The following ARHGAP28 variants were observed in gnomAD, a reference collection of about 807,000 sequenced individuals.
The protein encoded by ARHGAP28 is Rho GTPase activating protein 28, also known as rho GTPase-activating protein 28.
ARHGAP28 carries 56 observed loss-of-function variants against 90.7 expected under a neutral mutation model. The ratio of observed to expected loss-of-function variants is 0.62; its 90% CI spans 0.50 to 0.77. The LOEUF is 0.77. Among genes scored for constraint, ARHGAP28 ranks in the 30% least tolerant of loss-of-function variants. The probability of loss-of-function intolerance (pLI) is 0.00; values close to 1 mark genes in which losing one functional copy is unlikely to be tolerated. For synonymous variants in ARHGAP28, 308 were observed against 323.3 expected (o/e 0.95, Z 0.51); for missense variants, 869 against 900.9 (o/e 0.96, Z 0.45).
At position 6,780,509 on chromosome 18, in the gene ARHGAP28, G is replaced by A. The variant is rs2056315770; in HGVS notation, c.123-44253G>A. Among the ~76,000 whole-genome samples, 4 of 152,064 alleles carry A rather than the reference G, an allele frequency of 2.6e-5. No individual in the cohort carries two copies. In the South Asian group the frequency reaches 8.3e-4, roughly 32 times the overall value. ...TGAGCATCGGTGGAATTTGGTATTA[G>A]TTGTGGGGAGGGGTATGGAACCAAT... On this transcript the variant is annotated intron_variant, in intron 1 of 17. Coordinates refer to ENST00000383472, the MANE Select transcript of ARHGAP28 (RefSeq NM_001366230.1).
intron 10 of ARHGAP28, among the ~76,000 whole-genome samples, chr18:6,880,466 T>C (rs1343399434): frequency 6.6e-6 from 1 of 152,186 alleles, no homozygotes; most frequent in African/African-American, 2.4e-5. Flanking sequence ...AAATCATTTT[T>C]CCATCTGGCT....
chr18:6,838,908 T>C (rs2056774929), intron 3 of ARHGAP28, among the ~76,000 whole-genome samples: 1 of 152,194 alleles, frequency 6.6e-6, no homozygotes, highest in African/African-American at 2.4e-5. Flanking sequence ...ATGCCTACTG[T>C]AGTAAAAGGT....
intron 2 of ARHGAP28, among the ~76,000 whole-genome samples, chr18:6,828,581 T>C (rs1037809487): frequency 1.3e-5 from 2 of 152,248 alleles, no homozygotes; most frequent in African/African-American, 4.8e-5. Context: ...CTTTAATCCA[T>C]CTTGAGTTAA....
intron 2 of ARHGAP28, among the ~76,000 whole-genome samples, chr18:6,833,016 A>C (rs751379121): frequency 3.9e-5 from 6 of 152,102 alleles, no homozygotes; most frequent in Non-Finnish European, 8.8e-5. Flanking sequence ...TGTTTTATGT[A>C]TAACATCTGC....
chr18:6,868,164 C>A lies in ARHGAP28; in HGVS notation c.741C>A (p.Thr247=), dbSNP rs1186544356. The part of the protein sequence containing the change: ...PRSDSVAILE[T]IPVLPVHSNG... ...TTGCTTGGCAGGCTATACTTGAGAC[C>A]ATTCCAGTTCTACCAGTTCATTCCA... is the stretch of plus-strand genomic sequence containing the variant. Residue 247 remains threonine, a synonymous_variant, in exon 6 of 18, where the codon ACC becomes ACA. Coordinates refer to ENST00000383472, the MANE Select transcript of ARHGAP28 (RefSeq NM_001366230.1). The A allele has an allele frequency of 1.9e-6, 3 of 1,613,920 alleles. No homozygotes were observed. Among genetic ancestry groups the A allele is most frequent in the Non-Finnish European group, 2.5e-6 (3 of 1,179,936 alleles).
chr18:6,868,066 C>A, intron 5 of ARHGAP28, 84 bp from the exon 6 acceptor site: 1 of 1,126,548 alleles, frequency 8.9e-7, no homozygotes, highest in Non-Finnish European at 1.3e-6. Context: ...CTCTTGTATA[C>A]TGCAGAACAT....
chr18:6,841,180 CCTCT>C lies in ARHGAP28; in HGVS notation c.543+3786_543+3789del, dbSNP rs143797436. On this transcript the variant is annotated intron_variant, in intron 3 of 17. Transcript: ENST00000383472. ...CTTTCTCTCTCTCCTCTCTCTCTCT[CCTCT>C]CTCTCTCTCTCTCTCTCTCCTCTCC... Among the ~76,000 whole-genome samples the C allele has an allele frequency of 5.7e-3, 323 of 57,024 alleles. 6 individuals carry two copies. Among genetic ancestry groups the C allele is most frequent in the East Asian group, 0.025 (50 of 2,032 alleles). 37.4% of individuals were successfully genotyped at this position (57,024 alleles called of 152,430 possible).
intron 2 of ARHGAP28, 110 bp from the exon 3 acceptor site, chr18:6,837,087 G>T (rs1029599814): frequency 1.1e-5 from 9 of 798,538 alleles, no homozygotes; most frequent in Non-Finnish European, 1.7e-5. Flanking sequence ...CATAATTACT[G>T]TAGAAAAAAA....
chr18:6,870,932 C>T (rs1252431791), intron 7 of ARHGAP28, among the ~76,000 whole-genome samples, 200 bp downstream of exon 7: 2 of 152,156 alleles, frequency 1.3e-5, no homozygotes, highest in East Asian at 1.9e-4. Flanking sequence ...TCCCGAGTAG[C>T]TGGGACTACA....
chr18:6,796,708 T>C (rs372127150), intron 1 of ARHGAP28, among the ~76,000 whole-genome samples: 1 of 152,202 alleles, frequency 6.6e-6, no homozygotes, highest in African/African-American at 2.4e-5. Context: ...AATAATGAGA[T>C]TGGCAAGTGA....
Position 6,851,192 on chromosome 18 carries a change from C to A in ARHGAP28, c.636+66C>A, listed in dbSNP as rs1426686940. On this transcript the variant is annotated intron_variant, in intron 4 of 17. Coordinates refer to ENST00000383472, the MANE Select transcript of ARHGAP28 (RefSeq NM_001366230.1). ...AAGCCATTTCTTCAAGATGGTTGAG[C>A]AAAACTTGAAAAAAGTGCAACATAA... is the stretch of plus-strand genomic sequence containing the variant. The A allele has an allele frequency of 4.1e-6, 6 of 1,454,894 alleles. No individual in the cohort carries two copies. In the Admixed American group the frequency reaches 5.6e-5, roughly 13 times the overall value. The allele number at this position is 1,454,894 out of a possible 1,614,324, so 90.1% of individuals were successfully genotyped here.
chr18:6,855,145 G>A (rs2056942842), intron 4 of ARHGAP28, among the ~76,000 whole-genome samples: 1 of 152,214 alleles, frequency 6.6e-6, no homozygotes, highest in Admixed American at 6.5e-5. Flanking sequence ...AGGTTGCTGG[G>A]CAGAAAGGGG....
rs549067275 is a variant in ARHGAP28 at position 6,765,549 on chromosome 18, T to C, written c.122+35606T>C. Among the ~76,000 whole-genome samples the C allele has an allele frequency of 7.2e-5, 11 of 152,260 alleles. No homozygotes were observed. In the South Asian group the frequency reaches 2.3e-3, roughly 32 times the overall value. On this transcript the variant is annotated intron_variant, in intron 1 of 17. Transcript: ENST00000383472. ...GCTATAAATTTATTAATTTTACTTA[T>C]CTTTTCCAAACTCTGCTTTTTAAAA...
At chr18:6,886,951 C>T (rs773018947) in intron 11 of ARHGAP28, among the ~76,000 whole-genome samples, 1 of 152,116 alleles carries the variant, frequency 6.6e-6, no homozygotes, top group Non-Finnish European at 1.5e-5. Flanking sequence ...CCTGCCTCAA[C>T]AATGGCATCA....
At chr18:6,841,201 CTCCTCTCCTCT>C (rs2056820170) in intron 3 of ARHGAP28, among the ~76,000 whole-genome samples, 7 of 62,500 alleles carry the variant, frequency 1.1e-4, no homozygotes, top group African/African-American at 4.3e-4. Context: ...CTCTCTCTCT[CTCCTCTCCTCT>C]CTCTCTCTCT....
intron 12 of ARHGAP28, among the ~76,000 whole-genome samples, chr18:6,887,797 C>A (rs144266863): frequency 1.0e-3 from 152 of 152,310 alleles, no homozygotes; most frequent in African/African-American, 3.4e-3. Flanking sequence ...CTGTGTCAGG[C>A]ATTGGGCAAG....
chr18:6,876,300 T>G, intron 10 of ARHGAP28, 92 bp downstream of exon 10: 1 of 918,144 alleles, frequency 1.1e-6, no homozygotes, highest in Non-Finnish European at 1.8e-6. Context: ...TTGTTGTTGT[T>G]TATTAGATAT....
At chr18:6,738,972 A>C (rs2055951957) in intron 1 of ARHGAP28, among the ~76,000 whole-genome samples, 2 of 152,172 alleles carry the variant, frequency 1.3e-5, no homozygotes, top group Non-Finnish European at 2.9e-5. Context: ...AATAAGTCCT[A>C]GCTTTAATCA....
intron 1 of ARHGAP28, among the ~76,000 whole-genome samples, chr18:6,815,926 G>A (rs2056587574): frequency 1.3e-5 from 2 of 150,352 alleles, no homozygotes; most frequent in South Asian, 4.2e-4. Context: ...TTTAAAGAAA[G>A]AATCCAACCC....
Sources: gnomAD v4.1 joint callset for allele counts (sites outside exome capture counted in the v4.1 genomes callset) on GRCh38, gnomAD v4.1.1 for gene constraint, MANE v1.5 for transcripts, NCBI Gene and HGNC (gene_info 2026-07-23, HGNC 2026-07-21) for gene names.